PTPRM: variants seen among roughly 807,000 people sequenced by gnomAD.
PTPRM encodes the protein receptor-type tyrosine-protein phosphatase mu.
In PTPRM, 47 loss-of-function variants were observed where a neutral mutation model predicts 186.7. The observed-to-expected ratio is 0.25, with a 90% CI of 0.20 to 0.32. The LOEUF (loss-of-function observed/expected upper bound fraction) is 0.32. Ranked by LOEUF, PTPRM falls within the 10% of genes least tolerant of loss-of-function variation. PTPRM has a pLI of 1.00. For synonymous variants in PTPRM, 668 were observed against 674.9 expected, an observed-to-expected ratio of 0.99 and a Z score of 0.16; for missense variants, 1,494 against 1,865.0, an observed-to-expected ratio of 0.80 and a Z score of 3.66.
At chr18:8,238,657 T>TTTTTTTG (rs1568578101) in intron 14 of PTPRM, among the ~76,000 whole-genome samples, 60 of 121,704 alleles carry the variant, frequency 4.9e-4, no homozygotes, top group African/African-American at 1.8e-3. Context: ...GTGTGTTTTT[T>TTTTTTTG]TTTTTTTTTT....
At chr18:8,206,220 G>C (rs1313241246) in intron 14 of PTPRM, among the ~76,000 whole-genome samples, 1 of 149,180 alleles carries the variant, frequency 6.7e-6, no homozygotes, top group African/African-American at 2.5e-5. Context: ...GAAGACTGGA[G>C]GCACAAAAAG....
At chr18:7,798,543 T>A (rs2043789917) in intron 2 of PTPRM, among the ~76,000 whole-genome samples, 1 of 151,184 alleles carries the variant, frequency 6.6e-6, no homozygotes. Flanking sequence ...AAAAAAAAGG[T>A]TAAGATGGTA....
chr18:8,106,777 G>A (rs914550280), intron 11 of PTPRM, among the ~76,000 whole-genome samples: 1 of 152,190 alleles, frequency 6.6e-6, no homozygotes, highest in Non-Finnish European at 1.5e-5. Context: ...TAAAATATTA[G>A]CGCCTGAAGG....
At chr18:7,762,993 G>A (rs1351482412) in intron 1 of PTPRM, among the ~76,000 whole-genome samples, 1 of 152,052 alleles carries the variant, frequency 6.6e-6, no homozygotes, top group East Asian at 1.9e-4. Context: ...TATTACAAAG[G>A]ACTCATACAT....
chr18:7,894,081 T>C (rs995728338), intron 3 of PTPRM, among the ~76,000 whole-genome samples: 2 of 152,262 alleles, frequency 1.3e-5, no homozygotes, highest in South Asian at 4.1e-4. Flanking sequence ...TTCCTTGGGC[T>C]GCAGATCCAG....
chr18:8,130,980 A>G (rs1600731769), intron 13 of PTPRM, among the ~76,000 whole-genome samples: 1 of 152,208 alleles, frequency 6.6e-6, no homozygotes, highest in Non-Finnish European at 1.5e-5. Context: ...CCTGGCTCCA[A>G]GGGAAGGCAG....
At chr18:7,707,286 G>A (rs1317779335) in intron 1 of PTPRM, among the ~76,000 whole-genome samples, 1 of 151,842 alleles carries the variant, frequency 6.6e-6, no homozygotes, top group Admixed American at 6.6e-5. Context: ...GTTTACTCTG[G>A]GTCTTTAAAC....
At chr18:8,193,247 GTATTCAGGTGTGTGTTATACTGC>G (rs1322621185) in intron 14 of PTPRM, among the ~76,000 whole-genome samples, 2 of 152,164 alleles carry the variant, frequency 1.3e-5, no homozygotes, top group Non-Finnish European at 2.9e-5. Context: ...CAGGCAAAGG[GTATTCAGGTGTGTGTTATACTGC>G]TCCTTTGCCT....
At chr18:7,805,023 C>T (rs928322581) in intron 2 of PTPRM, among the ~76,000 whole-genome samples, 9 of 152,120 alleles carry the variant, frequency 5.9e-5, no homozygotes, top group African/African-American at 9.7e-5. Flanking sequence ...AAAATATATT[C>T]GAGTGTGGTT....
At chr18:8,205,953 G>C (rs982367332) in intron 14 of PTPRM, among the ~76,000 whole-genome samples, 2 of 152,140 alleles carry the variant, frequency 1.3e-5, no homozygotes, top group African/African-American at 2.4e-5. Context: ...TGGTGGCAGC[G>C]TGTGAGGTCT....
chr18:8,104,407 A>G (rs2091428270), intron 11 of PTPRM, among the ~76,000 whole-genome samples: 1 of 151,788 alleles, frequency 6.6e-6, no homozygotes, highest in Non-Finnish European at 1.5e-5. Flanking sequence ...TTTCCTTGTT[A>G]TTATTTTTAA....
chr18:7,757,327 G>T (rs1436389231), intron 1 of PTPRM, among the ~76,000 whole-genome samples: 1 of 152,236 alleles, frequency 6.6e-6, no homozygotes, highest in East Asian at 1.9e-4. Context: ...TGTGCTAAGA[G>T]TGCCCTCGGA....
At chr18:7,676,601 G>A (rs1393304767) in intron 1 of PTPRM, among the ~76,000 whole-genome samples, 3 of 151,060 alleles carry the variant, frequency 2.0e-5, no homozygotes, top group Non-Finnish European at 2.9e-5. Context: ...ACCAGGGCAG[G>A]TTTTCTGTCA....
intron 14 of PTPRM, among the ~76,000 whole-genome samples, chr18:8,168,475 CT>C (rs2146423312): frequency 6.6e-6 from 1 of 152,232 alleles, no homozygotes; most frequent in African/African-American, 2.4e-5. Flanking sequence ...TGTGATACCC[CT>C]GATTTTAATT....
rs560395800 is a variant in PTPRM, at chr18:8,378,328, C to G, written c.3526C>G (p.Pro1176Ala). 4 of 1,613,088 alleles carry G rather than the reference C, an allele frequency of 2.5e-6. No homozygotes were observed. The African/African-American group carries it at 5.3e-5, about 22-fold the overall frequency. Residue 1176 changes from proline to alanine, a missense_variant, in exon 27 of 33, where the codon CCT becomes GCT. Physicochemically the swap from Pro to Ala is conservative, Grantham distance 27. Coordinates refer to ENST00000580170, the MANE Select transcript of PTPRM (RefSeq NM_001105244.2). ...EACLCGDTSV[P>A]ASQVRSLYYD... ...CTGTCTTTGTGGGGACACCTCTGTG[C>G]CTGCTTCCCAAGTTAGGTCTCTGTA...
intron 5 of PTPRM, among the ~76,000 whole-genome samples, chr18:7,945,090 A>G (rs574900859): frequency 6.6e-6 from 1 of 152,176 alleles, no homozygotes; most frequent in African/African-American, 2.4e-5. Context: ...TGGCTTTATG[A>G]GAAGAGGAGA....
intron 1 of PTPRM, among the ~76,000 whole-genome samples, chr18:7,645,005 G>T (rs114826641): frequency 3.1e-4 from 47 of 152,182 alleles, no homozygotes; most frequent in African/African-American, 1.1e-3. Context: ...TTGCTTCATA[G>T]ATTTCATTTC....
At chr18:8,305,103 ATGTCCCAGAGATCTTTC>A (rs1490503173) in intron 20 of PTPRM, among the ~76,000 whole-genome samples, 3 of 152,148 alleles carry the variant, frequency 2.0e-5, no homozygotes, top group African/African-American at 7.2e-5. Flanking sequence ...ACTCTGTAAT[ATGTCCCAGAGATCTTTC>A]CAGGTAAATA....
At chr18:8,327,693 A>G (rs1346491808) in intron 22 of PTPRM, among the ~76,000 whole-genome samples, 3 of 152,186 alleles carry the variant, frequency 2.0e-5, no homozygotes, top group African/African-American at 7.2e-5. Flanking sequence ...TATCTCCAAC[A>G]TCTCTGACTA....
Sources: gnomAD v4.1 joint callset for allele counts (sites outside exome capture counted in the v4.1 genomes callset) on GRCh38, gnomAD v4.1.1 for gene constraint, MANE v1.5 for transcripts, NCBI Gene and HGNC (gene_info 2026-07-23, HGNC 2026-07-21) for gene names.